DACH2: variants seen among roughly 807,000 people sequenced by gnomAD.
DACH2 encodes dachshund family transcription factor 2.
Under a neutral mutation model 35.8 loss-of-function variants are expected in DACH2, and 17 were observed. The ratio of observed to expected loss-of-function variants is 0.48; its 90% CI spans 0.33 to 0.71. The LOEUF (loss-of-function observed/expected upper bound fraction) is 0.71, where lower values mean the gene tolerates loss of function less well. DACH2 is among the 30% of genes least tolerant of loss of function. The probability of loss-of-function intolerance (pLI) is 0.02; values close to 1 mark genes in which losing one functional copy is unlikely to be tolerated. For synonymous variants in DACH2, 195 were observed against 177.3 expected, an observed-to-expected ratio of 1.10 and a Z score of -0.79; for missense variants, 469 against 472.7, an observed-to-expected ratio of 0.99 and a Z score of 0.07.
intron 1 of DACH2, among the ~76,000 whole-genome samples, chrX:86,208,804 G>A (rs182194263): frequency 0.033 from 3,648 of 111,300 alleles, 145 homozygotes; most frequent in African/African-American, 0.11. Flanking sequence ...CAGCAATTGC[G>A]TTTTGTCCTG....
intron 5 of DACH2, among the ~76,000 whole-genome samples, chrX:86,707,513 C>T (rs893736146): frequency 9.9e-5 from 11 of 111,383 alleles, no homozygotes; most frequent in African/African-American, 3.3e-4. Context: ...TACCAAAATA[C>T]CAGAGAAAGA....
chrX:86,296,614 C>G (rs924111812), intron 1 of DACH2, among the ~76,000 whole-genome samples: 1 of 110,945 alleles, frequency 9.0e-6, no homozygotes, highest in Admixed American at 9.6e-5. Context: ...CTCTTTGTTA[C>G]TGTGCTTTCT....
chrX:86,150,153 G>A (rs1445025240), intron 1 of DACH2, among the ~76,000 whole-genome samples: 1 of 112,113 alleles, frequency 8.9e-6, no homozygotes, highest in Non-Finnish European at 1.9e-5. Flanking sequence ...CTTTTTAAAC[G>A]CCTGTGAATT....
intron 4 of DACH2, among the ~76,000 whole-genome samples, chrX:86,666,968 G>A (rs998081093): frequency 5.5e-5 from 6 of 108,373 alleles, no homozygotes; most frequent in African/African-American, 1.0e-4. Flanking sequence ...GCCCTGGGCC[G>A]GGCATGGTGG....
At chrX:86,775,421 G>T (rs1488592519) in intron 7 of DACH2, among the ~76,000 whole-genome samples, 1 of 111,195 alleles carries the variant, frequency 9.0e-6, no homozygotes, top group Non-Finnish European at 1.9e-5. Context: ...TCATAGGAGT[G>T]CAAGCCCTAT....
chrX:86,183,334 A>AT (rs1296963437), intron 1 of DACH2, among the ~76,000 whole-genome samples: 2 of 111,942 alleles, frequency 1.8e-5, no homozygotes, highest in Non-Finnish European at 3.8e-5. Flanking sequence ...AGCTCTTATT[A>AT]TTTTGAGATA....
At chrX:86,370,056 G>A (rs758418384) in intron 1 of DACH2, among the ~76,000 whole-genome samples, 4 of 111,684 alleles carry the variant, frequency 3.6e-5, no homozygotes, top group Non-Finnish European at 7.5e-5. Flanking sequence ...CTGCATGCCA[G>A]CATTGTGTGG....
intron 3 of DACH2, among the ~76,000 whole-genome samples, chrX:86,645,039 G>A (rs2040398247): frequency 2.7e-5 from 3 of 110,540 alleles, no homozygotes; most frequent in African/African-American, 9.8e-5. Flanking sequence ...CCAAAAGCAA[G>A]CAGAACAAAA....
chrX:86,556,297 G>A (rs2039117415), intron 3 of DACH2, among the ~76,000 whole-genome samples: 1 of 110,873 alleles, frequency 9.0e-6, no homozygotes, highest in South Asian at 3.8e-4. Flanking sequence ...GAATAAGAGT[G>A]CTAGGTGCTT....
At chrX:86,590,236 C>T (rs73506306) in intron 3 of DACH2, among the ~76,000 whole-genome samples, 5,957 of 111,709 alleles carry the variant, frequency 0.053, 181 homozygotes, top group East Asian at 0.25. Context: ...AGGGCCATTG[C>T]TGAGGCAATT....
At chrX:86,297,134 T>A (rs2034482006) in intron 1 of DACH2, among the ~76,000 whole-genome samples, 1 of 107,867 alleles carries the variant, frequency 9.3e-6, no homozygotes. Context: ...TTGGTCTGGC[T>A]ACTGTATAAT....
intron 1 of DACH2, among the ~76,000 whole-genome samples, chrX:86,264,570 A>G (rs191549340): frequency 2.8e-3 from 311 of 111,809 alleles, no homozygotes; most frequent in Middle Eastern, 4.6e-3. Flanking sequence ...TGATATCTTT[A>G]CTAGTTCTGC....
intron 1 of DACH2, among the ~76,000 whole-genome samples, chrX:86,308,326 G>A (rs1004230240): frequency 1.8e-5 from 2 of 112,568 alleles, no homozygotes; most frequent in African/African-American, 6.5e-5. Flanking sequence ...GGTGGCAGAG[G>A]CCAAGTGGCA....
intron 3 of DACH2, among the ~76,000 whole-genome samples, chrX:86,587,925 A>C (rs957837055): frequency 4.5e-5 from 5 of 111,868 alleles, no homozygotes; most frequent in Admixed American, 9.6e-5. Context: ...TTGAGGATTT[A>C]GTCATAAATT....
chrX:86,391,675 ATC>A (rs776243136), intron 2 of DACH2, among the ~76,000 whole-genome samples: 13 of 111,210 alleles, frequency 1.2e-4, no homozygotes, highest in Non-Finnish European at 2.3e-4. Flanking sequence ...ATAAAGTAGG[ATC>A]TCTGGTCATA....
chrX:86,413,441 G>A (rs1404040412), intron 2 of DACH2, among the ~76,000 whole-genome samples: 1 of 111,779 alleles, frequency 8.9e-6, no homozygotes, highest in African/African-American at 3.3e-5. Context: ...CTCAAGCAAT[G>A]AAACCACATC....
At chrX:86,781,460 A>T (rs1013204883) in intron 7 of DACH2, among the ~76,000 whole-genome samples, 1 of 111,532 alleles carries the variant, frequency 9.0e-6, no homozygotes, top group Non-Finnish European at 1.9e-5. Flanking sequence ...AAATGCATTT[A>T]TTTTGCATAA....
chrX:86,225,862 C>T lies in DACH2; in HGVS notation c.488+76754C>T, dbSNP rs911570901. 3.9e-4 allele frequency among the ~76,000 whole-genome samples: 43 copies of T among 111,403 alleles called. 1 individual carries two copies. The highest frequency in any genetic ancestry group is 1.4e-3 in the African/African-American group (42 of 30,799). On this transcript the variant is annotated intron_variant, in intron 1 of 11. Coordinates refer to ENST00000373125, the MANE Select transcript of DACH2 (RefSeq NM_053281.3). ...ATTCATATCTATGTGGCAGATAAAG[C>T]CAGGGTTTTGAATGCCATGATGGCC... is the stretch of plus-strand genomic sequence containing the variant.
At chrX:86,258,323 T>A (rs1297334843) in intron 1 of DACH2, among the ~76,000 whole-genome samples, 1 of 111,438 alleles carries the variant, frequency 9.0e-6, no homozygotes, top group Non-Finnish European at 1.9e-5. Context: ...GCACACAATG[T>A]TTACTGACAT....
Sources: gnomAD v4.1 joint callset for allele counts (sites outside exome capture counted in the v4.1 genomes callset) on GRCh38, gnomAD v4.1.1 for gene constraint, MANE v1.5 for transcripts, NCBI Gene and HGNC (gene_info 2026-07-23, HGNC 2026-07-21) for gene names.